MAF: variants seen among roughly 807,000 people sequenced by gnomAD.
MAF encodes transcription factor Maf.
In MAF, 10 loss-of-function variants were observed where a neutral mutation model predicts 22.0. The ratio of observed to expected loss-of-function variants is 0.45; its 90% CI spans 0.28 to 0.77. The LOEUF is 0.77. Ranked by LOEUF, MAF falls within the 30% of genes least tolerant of loss-of-function variation. The pLI is 0.12. For synonymous variants in MAF, 337 were observed against 255.8 expected, an observed-to-expected ratio of 1.32 and a Z score of -3.03; for missense variants, 544 against 548.4, an observed-to-expected ratio of 0.99 and a Z score of 0.08.
At chr16:79,257,384 G>A in the MAF span, among the ~76,000 whole-genome samples, 1 of 152,026 alleles carries the variant, frequency 6.6e-6, no homozygotes, top group Non-Finnish European at 1.5e-5. Context: ...GTTTCAAAAT[G>A]CAAAAATATT....
At chr16:79,275,091 C>G in the MAF span, among the ~76,000 whole-genome samples, 1 of 152,218 alleles carries the variant, frequency 6.6e-6, no homozygotes, top group Non-Finnish European at 1.5e-5. Flanking sequence ...TGTGGTGGCT[C>G]AGGCCTGTAA....
At chr16:79,328,681 T>C in the MAF span, among the ~76,000 whole-genome samples, 16 of 152,130 alleles carry the variant, frequency 1.1e-4, no homozygotes, top group Non-Finnish European at 2.1e-4. Context: ...ATTTGGCCAA[T>C]ATAACTCCAT....
At chr16:79,417,274 C>A in the MAF span, among the ~76,000 whole-genome samples, 15 of 152,200 alleles carry the variant, frequency 9.9e-5, no homozygotes, top group African/African-American at 3.1e-4. Flanking sequence ...GTGAACTACA[C>A]CGACATAAAC....
the MAF span, among the ~76,000 whole-genome samples, chr16:79,288,314 G>T: frequency 6.6e-5 from 10 of 152,162 alleles, no homozygotes; most frequent in Admixed American, 6.5e-5. Context: ...ATATTTCAAG[G>T]CAGTTTCTAT....
the MAF span, among the ~76,000 whole-genome samples, chr16:79,526,184 G>A: frequency 6.6e-6 from 1 of 152,190 alleles, no homozygotes; most frequent in Non-Finnish European, 1.5e-5. Flanking sequence ...AATCTTTTTG[G>A]CACCAGGAGC....
At chr16:79,432,132 C>T in the MAF span, among the ~76,000 whole-genome samples, 1 of 152,124 alleles carries the variant, frequency 6.6e-6, no homozygotes, top group Admixed American at 6.5e-5. Context: ...ATGGTTTCCC[C>T]CATGCTGTTC....
the MAF span, among the ~76,000 whole-genome samples, chr16:79,249,038 C>T: frequency 6.6e-6 from 1 of 152,220 alleles, no homozygotes; most frequent in Non-Finnish European, 1.5e-5. Context: ...AAGCCTAACC[C>T]CCAGTGCAAT....
At chr16:79,463,887 TCCCAC>T in the MAF span, among the ~76,000 whole-genome samples, 1 of 151,262 alleles carries the variant, frequency 6.6e-6, no homozygotes, top group South Asian at 2.1e-4. Flanking sequence ...TGATGCACCA[TCCCAC>T]CCTAAAACAA....
At chr16:79,206,006 G>C in the MAF span, 1 of 152,304 alleles carries the variant, frequency 6.6e-6, no homozygotes, top group East Asian at 1.9e-4. Flanking sequence ...ATGGCATTTT[G>C]AATCGGACGA....
chr16:79,419,204 T>C, the MAF span, among the ~76,000 whole-genome samples: 8 of 152,116 alleles, frequency 5.3e-5, no homozygotes, highest in Admixed American at 3.9e-4. Context: ...AATATCAGCA[T>C]GGGCCAAACA....
chr16:79,401,186 A>T, the MAF span, among the ~76,000 whole-genome samples: 8 of 152,108 alleles, frequency 5.3e-5, no homozygotes, highest in Non-Finnish European at 7.4e-5. Context: ...TCCACTGCCT[A>T]TTCTCCCGCG....
chr16:79,401,689 CAATG>C, the MAF span, among the ~76,000 whole-genome samples: 1 of 152,022 alleles, frequency 6.6e-6, no homozygotes, highest in Non-Finnish European at 1.5e-5. Flanking sequence ...TAATAATAAT[CAATG>C]AAATTTTCGG....
At chr16:79,385,538 G>A in the MAF span, among the ~76,000 whole-genome samples, 2 of 152,192 alleles carry the variant, frequency 1.3e-5, no homozygotes, top group Non-Finnish European at 2.9e-5. Context: ...TCTACTTATG[G>A]CTTTGAATAA....
chr16:79,365,591 T>C, the MAF span, among the ~76,000 whole-genome samples: 1 of 147,520 alleles, frequency 6.8e-6, no homozygotes, highest in African/African-American at 2.5e-5. Context: ...GTTTTTTTTT[T>C]CCTGGGATTG....
the MAF span, among the ~76,000 whole-genome samples, chr16:79,221,167 T>A: frequency 6.6e-6 from 1 of 152,224 alleles, no homozygotes; most frequent in Non-Finnish European, 1.5e-5. Context: ...ATTCTTTGCC[T>A]GGTTTGCTAA....
At chr16:79,223,769 A>T in the MAF span, among the ~76,000 whole-genome samples, 1 of 152,218 alleles carries the variant, frequency 6.6e-6, no homozygotes, top group Admixed American at 6.5e-5. Flanking sequence ...GAAGAAATGG[A>T]TAAATTCCTG....
the MAF span, among the ~76,000 whole-genome samples, chr16:79,300,047 G>A: frequency 1.3e-5 from 2 of 152,120 alleles, no homozygotes; most frequent in Admixed American, 6.5e-5. Flanking sequence ...CGTCTCTTCC[G>A]CAGCACCCAG....
At chr16:79,417,075 G>T in the MAF span, among the ~76,000 whole-genome samples, 1 of 152,144 alleles carries the variant, frequency 6.6e-6, no homozygotes, top group South Asian at 2.1e-4. Context: ...GACGGAAAGG[G>T]TATTTTTTAT....
the MAF span, among the ~76,000 whole-genome samples, chr16:79,339,294 C>A: frequency 6.6e-6 from 1 of 152,284 alleles, no homozygotes; most frequent in South Asian, 2.1e-4. Context: ...CTCCTGACCT[C>A]ATGATCCGCC....
Sources: gnomAD v4.1 joint callset for allele counts (sites outside exome capture counted in the v4.1 genomes callset) on GRCh38, gnomAD v4.1.1 for gene constraint, MANE v1.5 for transcripts, NCBI Gene and HGNC (gene_info 2026-07-23, HGNC 2026-07-21) for gene names.